PDE1A: variants seen among roughly 807,000 people sequenced by gnomAD.
The protein encoded by PDE1A is dual specificity calcium/calmodulin-dependent 3',5'-cyclic nucleotide phosphodiesterase 1A.
In PDE1A, 35 loss-of-function variants were observed where a neutral mutation model predicts 61.7. The observed-to-expected ratio is 0.57, with a 90% confidence interval of 0.43 to 0.75. PDE1A has a LOEUF of 0.75. Among genes scored for constraint, PDE1A ranks in the 30% least tolerant of loss-of-function variants. The pLI, the probability that PDE1A is intolerant of heterozygous loss-of-function variation, is 0.00. For missense variants in PDE1A, 597 were observed against 630.6 expected (o/e 0.95, Z 0.57); for synonymous variants, 232 against 213.2 (o/e 1.09, Z -0.77).
intron 1 of PDE1A, among the ~76,000 whole-genome samples, chr2:182,283,112 C>A (rs1047817992): frequency 9.9e-5 from 15 of 151,950 alleles, no homozygotes; most frequent in Non-Finnish European, 1.5e-4. Context: ...CTTTTCAAAT[C>A]TTAAAGTATA....
At chr2:182,545,494 AT>A in the PDE1A span, among the ~76,000 whole-genome samples, 1 of 152,150 alleles carries the variant, frequency 6.6e-6, no homozygotes, top group Non-Finnish European at 1.5e-5. Flanking sequence ...AGTGGTTTCT[AT>A]TTTTTTAATA....
At chr2:182,300,091 G>C (rs1300962758) in intron 1 of PDE1A, among the ~76,000 whole-genome samples, 2 of 152,146 alleles carry the variant, frequency 1.3e-5, no homozygotes, top group Non-Finnish European at 2.9e-5. Flanking sequence ...ACAAGTTATT[G>C]TACTTTGCAA....
At chr2:182,444,360 C>T (rs1684995682) in intron 2 of PDE1A, among the ~76,000 whole-genome samples, 1 of 152,074 alleles carries the variant, frequency 6.6e-6, no homozygotes. Context: ...TGTATTTTTA[C>T]TTCCAGTTTC....
At chr2:182,580,564 A>C in the PDE1A span, among the ~76,000 whole-genome samples, 1 of 152,160 alleles carries the variant, frequency 6.6e-6, no homozygotes, top group African/African-American at 2.4e-5. Context: ...TCAGCACTGA[A>C]TTTGGGGGTG....
At chr2:182,452,697 T>C (rs991605905) in intron 2 of PDE1A, among the ~76,000 whole-genome samples, 1 of 152,108 alleles carries the variant, frequency 6.6e-6, no homozygotes, top group African/African-American at 2.4e-5. Context: ...TTGCCTCATG[T>C]TTCACAGTGA....
chr2:182,298,093 T>C (rs766490683), intron 1 of PDE1A, among the ~76,000 whole-genome samples: 24 of 152,196 alleles, frequency 1.6e-4, no homozygotes, highest in Non-Finnish European at 2.8e-4. Flanking sequence ...CTGGCTGTAA[T>C]TGCAGTGGTG....
Position 182,206,200 on chromosome 2 carries a change from T to C in PDE1A, c.777-135A>G, listed in dbSNP as rs567776724. ...GAACAGTGAGAATTATGGAAGTACT[T>C]AGTTTCTTTTATTTTTTACTGTATG... is the stretch of plus-strand genomic sequence containing the variant. On this transcript the variant is annotated intron_variant, in intron 7 of 13. Transcript: ENST00000351439. 9.3e-6 allele frequency: 5 copies of C among 539,970 alleles called. No individual in the cohort carries two copies. In the East Asian group the frequency reaches 1.3e-4, roughly 14 times the overall value. The allele number at this position is 539,970 out of a possible 1,614,324, so 33.4% of individuals were successfully genotyped here. A position where few individuals can be genotyped will look rare whatever the true frequency, so the allele number is the denominator to read the frequency against.
At chr2:182,154,374 T>C (rs1472390022) in intron 13 of PDE1A, among the ~76,000 whole-genome samples, 1 of 152,228 alleles carries the variant, frequency 6.6e-6, no homozygotes, top group Non-Finnish European at 1.5e-5. Flanking sequence ...GTACACTAGA[T>C]ATATACGTGT....
At chr2:182,422,669 A>G (rs1276750241) in intron 1 of PDE1A, among the ~76,000 whole-genome samples, 1 of 152,230 alleles carries the variant, frequency 6.6e-6, no homozygotes, top group African/African-American at 2.4e-5. Context: ...TGAATATGTT[A>G]CATCATTTAA....
chr2:182,517,637 A>C (rs1422151012), intron 2 of PDE1A, among the ~76,000 whole-genome samples: 1 of 152,220 alleles, frequency 6.6e-6, no homozygotes, highest in Admixed American at 6.5e-5. Flanking sequence ...TTATGAGCTG[A>C]AAATAAAAAA....
Position 182,451,104 on chromosome 2 carries a change from C to A in PDE1A, c.101+71172G>T, listed in dbSNP as rs111782621. Among the ~76,000 whole-genome samples the A allele has an allele frequency of 7.2e-5, 6 of 83,558 alleles. 2 individuals are homozygous for A. Among genetic ancestry groups the A allele is most frequent in the African/African-American group, 2.5e-4 (6 of 23,548 alleles). The allele number at this position is 83,558 out of a possible 152,430, so 54.8% of individuals were successfully genotyped here. A position where few individuals can be genotyped will look rare whatever the true frequency, so the allele number is the denominator to read the frequency against. ...TAAAAATATTTTAACTAGGGCCGGG[C>A]GCGGTGGCTCACGCCTGTAATCCCA... On this transcript the variant is annotated intron_variant, in intron 2 of 14. Coordinates refer to the PDE1A transcript ENST00000410103.
intron 2 of PDE1A, among the ~76,000 whole-genome samples, chr2:182,454,412 A>C (rs565613874): frequency 2.6e-5 from 4 of 152,284 alleles, no homozygotes; most frequent in African/African-American, 9.6e-5. Context: ...GAATTGGAAA[A>C]AACTACTTTA....
At chr2:182,639,321 A>G in the PDE1A span, among the ~76,000 whole-genome samples, 7 of 152,230 alleles carry the variant, frequency 4.6e-5, no homozygotes, top group South Asian at 2.1e-4. Context: ...TAATCCCCAC[A>G]CTTTGGGAGG....
intron 1 of PDE1A, among the ~76,000 whole-genome samples, chr2:182,334,062 A>T (rs956916121): frequency 6.6e-6 from 1 of 152,158 alleles, no homozygotes; most frequent in Non-Finnish European, 1.5e-5. Flanking sequence ...GACCAATAAC[A>T]AGTTATGAAA....
intron 1 of PDE1A, among the ~76,000 whole-genome samples, chr2:182,363,051 G>A (rs539257783): frequency 2.5e-4 from 38 of 152,016 alleles, no homozygotes; most frequent in African/African-American, 8.9e-4. Context: ...ACACACACTG[G>A]GGCCTATTGG....
In PDE1A at chr2:182,237,175, A is replaced by T. The variant is rs188813410; in HGVS notation, c.351-2677T>A. ...TGGAAGTTTCCATAATAGTTACAAG[A>T]TATAATTCAAAAACTCTTTAAAAAT... is the stretch of plus-strand genomic sequence containing the variant. On this transcript the variant is annotated intron_variant, in intron 3 of 13. Transcript: ENST00000351439. Among the ~76,000 whole-genome samples the T allele has an allele frequency of 6.2e-4, 95 of 152,312 alleles. 1 individual carries two copies. The highest frequency in any genetic ancestry group is 5.3e-3 in the Admixed American group (81 of 15,302).
chr2:182,506,385 T>C (rs1030316173), intron 2 of PDE1A, among the ~76,000 whole-genome samples: 3 of 152,200 alleles, frequency 2.0e-5, no homozygotes, highest in Admixed American at 6.5e-5. Flanking sequence ...TGATGACTCC[T>C]TAAAAATTTT....
chr2:182,551,983 G>A, the PDE1A span, among the ~76,000 whole-genome samples: 1 of 152,282 alleles, frequency 6.6e-6, no homozygotes, highest in South Asian at 2.1e-4. Context: ...AACAGATAAA[G>A]TCACAGGGGT....
At chr2:182,693,819 G>A in the PDE1A span, among the ~76,000 whole-genome samples, 1 of 151,676 alleles carries the variant, frequency 6.6e-6, no homozygotes, top group African/African-American at 2.4e-5. Context: ...ACTAATTTTT[G>A]TATTTTTAGT....
Sources: allele counts gnomAD v4.1 joint callset (sites outside exome capture counted in the v4.1 genomes callset), GRCh38; gene constraint gnomAD v4.1.1; transcripts MANE v1.5; gene names NCBI Gene and HGNC (gene_info 2026-07-23, HGNC 2026-07-21).